SDK2: variants seen among roughly 807,000 people sequenced by gnomAD.
SDK2 encodes protein sidekick-2.
In SDK2, 105 loss-of-function variants were observed where a neutral mutation model predicts 253.9. The ratio of observed to expected loss-of-function variants is 0.41; its 90% confidence interval spans 0.35 to 0.49. The LOEUF is 0.49. SDK2 is among the 20% of genes least tolerant of loss of function. The pLI is 0.06. For synonymous variants in SDK2, 1,249 were observed against 1,234.9 expected, an observed-to-expected ratio of 1.01 and a Z score of -0.24; for missense variants, 2,608 against 3,003.0, an observed-to-expected ratio of 0.87 and a Z score of 3.07.
At chr17:73,563,540 C>T (rs1172655609) in intron 1 of SDK2, among the ~76,000 whole-genome samples, 2 of 152,196 alleles carry the variant, frequency 1.3e-5, no homozygotes, top group Admixed American at 6.5e-5. Flanking sequence ...GAACAGGCCA[C>T]TGCCCTCCAG....
intron 44 of SDK2, among the ~76,000 whole-genome samples, chr17:73,344,682 C>T (rs1043225213): frequency 3.9e-5 from 6 of 152,180 alleles, no homozygotes; most frequent in South Asian, 2.1e-4. Flanking sequence ...TGCCCCACAG[C>T]GTTTCTTGTT....
Position 73,394,213 on chromosome 17 carries a change from T to C in SDK2, c.3704A>G (p.Tyr1235Cys), listed in dbSNP as rs1332405481. The C allele has an allele frequency of 1.0e-5, 16 of 1,560,280 alleles. No individual in the cohort carries two copies. The highest frequency in any genetic ancestry group is 1.4e-5 in the Non-Finnish European group (16 of 1,148,412). ...EADRNGLVLGYKVMYKEKDSD... is the reference protein window; with the variant it reads ...EADRNGLVLGCKVMYKEKDSD... ...TCCTGGGATCCCGGGACTCACCTTA[T>C]AGCCCAGCACGAGCCCGTTGCGATC... The change falls in exon 26 of 45, where the codon TAT becomes TGT. Residue 1235 changes from tyrosine (Y) to cysteine (C), a missense_variant. Tyr to Cys is a radical substitution (Grantham distance 194). Transcript: ENST00000392650.
intron 1 of SDK2, among the ~76,000 whole-genome samples, chr17:73,601,015 A>G (rs2143053724): frequency 6.6e-6 from 1 of 151,080 alleles, no homozygotes; most frequent in Admixed American, 6.6e-5. Flanking sequence ...TTATTATTTA[A>G]AAAAAAATTT....
At position 73,481,997 on chromosome 17, in the gene SDK2, G is replaced by A. The variant is rs189248069; in HGVS notation, c.225-9779C>T. 1.6e-4 allele frequency among the ~76,000 whole-genome samples: 24 copies of A among 152,300 alleles called. No homozygotes were observed. Among genetic ancestry groups the A allele is most frequent in the Admixed American group, 6.5e-4 (10 of 15,300 alleles). ...GACCGTAGAATATGGGAGATAGGCCGGGTGTGGTGGCTCACGCCTGGAATC... is the reference window on the plus strand; with the variant it reads ...GACCGTAGAATATGGGAGATAGGCCAGGTGTGGTGGCTCACGCCTGGAATC... On this transcript the variant is annotated intron_variant, in intron 2 of 44. Transcript: ENST00000392650. The surrounding 1 kb of genome is among the most constrained non-coding windows in gnomAD (Gnocchi z 4.5).
chr17:73,346,662 G>A (rs1198308814), intron 44 of SDK2, among the ~76,000 whole-genome samples: 1 of 152,146 alleles, frequency 6.6e-6, no homozygotes, highest in African/African-American at 2.4e-5. Context: ...TTGTTTATAA[G>A]TCAAACTGAC....
chr17:73,354,577 C>T (rs1276463024), intron 40 of SDK2, among the ~76,000 whole-genome samples: 1 of 152,154 alleles, frequency 6.6e-6, no homozygotes, highest in East Asian at 1.9e-4. Context: ...ATCCAAGCCA[C>T]CCTGGGCCTA....
chr17:73,635,396 C>A (rs1024825166), intron 1 of SDK2, among the ~76,000 whole-genome samples: 2 of 152,148 alleles, frequency 1.3e-5, no homozygotes, highest in African/African-American at 4.8e-5. Flanking sequence ...GCTCCAGATT[C>A]ATAATTAACT....
At chr17:73,482,475 C>T (rs561140996) in intron 2 of SDK2, among the ~76,000 whole-genome samples, 95 of 152,326 alleles carry the variant, frequency 6.2e-4, no homozygotes, top group African/African-American at 2.0e-3. Flanking sequence ...GAGCCTCCCC[C>T]GCTTTGCCAG....
chr17:73,454,936 C>G (rs1028733689), intron 4 of SDK2, among the ~76,000 whole-genome samples: 5 of 152,288 alleles, frequency 3.3e-5, no homozygotes, highest in Admixed American at 1.3e-4. Context: ...CTCCTGACCT[C>G]AAGTGATCAG....
chr17:73,626,171 G>A (rs1030747100), intron 1 of SDK2, among the ~76,000 whole-genome samples: 2 of 152,260 alleles, frequency 1.3e-5, no homozygotes, highest in African/African-American at 4.8e-5. Flanking sequence ...GAGGCCAGGA[G>A]GGAGGAAGGA....
intron 1 of SDK2, among the ~76,000 whole-genome samples, chr17:73,589,808 C>A (rs1256795127): frequency 6.6e-6 from 1 of 152,262 alleles, no homozygotes; most frequent in Non-Finnish European, 1.5e-5. Context: ...AGCAGCCCCG[C>A]AGAGCCACTG....
At position 73,642,925 on chromosome 17, in the gene SDK2, C is replaced by CT. The variant is rs2046415908; in HGVS notation, c.64+1099_64+1100insA. 1.3e-5 allele frequency: 2 copies of CT among 152,212 alleles called. No individual in the cohort carries two copies. The allele number at this position is 152,212 out of a possible 1,614,324, so 9.4% of individuals were successfully genotyped here. A position where few individuals can be genotyped will look rare whatever the true frequency, so the allele number is the denominator to read the frequency against. Reference sequence around the variant, plus strand: ...GGCGTGGGGAGTGGGTTGCAGCCCCCACAGTCCGGACCCCTAGGGTGGGTC... The same window carrying CT: ...GGCGTGGGGAGTGGGTTGCAGCCCCCTACAGTCCGGACCCCTAGGGTGGGTC... On this transcript the variant is annotated intron_variant, in intron 1 of 44. Transcript: ENST00000392650. The surrounding 1 kb of genome is among the most constrained non-coding windows in gnomAD (Gnocchi z 4.7).
At chr17:73,532,853 T>A (rs1225549652) in intron 1 of SDK2, among the ~76,000 whole-genome samples, 1 of 152,190 alleles carries the variant, frequency 6.6e-6, no homozygotes, top group African/African-American at 2.4e-5. Flanking sequence ...GTGGTTAGTG[T>A]GTCTGTCTTC....
chr17:73,415,862 C>A lies in SDK2; in HGVS notation c.2317G>T (p.Ala773Ser), dbSNP rs1430500763. 1.3e-6 allele frequency: 2 copies of A among 1,567,244 alleles called. No homozygotes were observed. Among genetic ancestry groups the A allele is most frequent in the Non-Finnish European group, 1.7e-6 (2 of 1,155,982 alleles). ...TTACTGCTGTAGACCCCCAGCCCAGCGCTGTTGTAAGCAGCCACCTCGATC... is the reference window on the plus strand; with the variant it reads ...TTACTGCTGTAGACCCCCAGCCCAGAGCTGTTGTAAGCAGCCACCTCGATC... ...YEIEVAAYNS[A>S]GLGVYSSKVT... is the part of the protein sequence containing the mutation. The change falls in exon 17 of 45, where the codon GCT becomes TCT. Residue 773 changes from alanine (A) to serine (S), a missense_variant. This residue lies in a region of SDK2 where 1,505 missense variants were observed against 1,859.1 expected (regional missense o/e 0.81). Transcript: ENST00000392650.
intron 2 of SDK2, among the ~76,000 whole-genome samples, chr17:73,502,563 T>A (rs2063898791): frequency 6.6e-6 from 1 of 152,238 alleles, no homozygotes; most frequent in South Asian, 2.1e-4. Context: ...ATGAACAATG[T>A]CATGCGTGGA....
At chr17:73,587,293 G>A (rs1012847264) in intron 1 of SDK2, among the ~76,000 whole-genome samples, 2 of 152,318 alleles carry the variant, frequency 1.3e-5, no homozygotes, top group Admixed American at 6.5e-5. Flanking sequence ...ATGTCCATAA[G>A]CCACTGGCCC....
chr17:73,366,613 T>C (rs1040089166), intron 37 of SDK2, among the ~76,000 whole-genome samples: 6 of 152,112 alleles, frequency 3.9e-5, no homozygotes, highest in African/African-American at 1.4e-4. Flanking sequence ...ACAGAACACT[T>C]GGTTCTCTCA....
chr17:73,355,174 A>ATATATATTTTT, intron 40 of SDK2, among the ~76,000 whole-genome samples: 2 of 47,240 alleles, frequency 4.2e-5, no homozygotes, highest in African/African-American at 1.6e-4. Flanking sequence ...ATATATATAT[A>ATATATATTTTT]TTTTTTTTTT....
intron 1 of SDK2, among the ~76,000 whole-genome samples, chr17:73,509,528 G>A (rs2063961622): frequency 6.6e-6 from 1 of 151,616 alleles, no homozygotes; most frequent in African/African-American, 2.4e-5. Flanking sequence ...GGTGGCTCAT[G>A]CCTGTAAGCC....
Sources: gnomAD v4.1 joint callset for allele counts (sites outside exome capture counted in the v4.1 genomes callset) on GRCh38, gnomAD v4.1.1 for gene constraint, gnomAD v4.1.1 regional missense constraint, Gnocchi (gnomAD v3.1) non-coding constraint, MANE v1.5 for transcripts, NCBI Gene and HGNC (gene_info 2026-07-23, HGNC 2026-07-21) for gene names.